ST6GALNAC3: variants seen among roughly 807,000 people sequenced by gnomAD.
The protein encoded by ST6GALNAC3 is ST6 N-acetylgalactosaminide alpha-2,6-sialyltransferase 3.
In ST6GALNAC3, 25 loss-of-function variants were observed where a neutral mutation model predicts 32.7. The ratio of observed to expected loss-of-function variants is 0.76; its 90% CI spans 0.56 to 1.07. The LOEUF is 1.07. Among genes scored for constraint, ST6GALNAC3 ranks in the 50% least tolerant of loss-of-function variants. The pLI, the probability that ST6GALNAC3 is intolerant of heterozygous loss-of-function variation, is 0.00. For missense variants in ST6GALNAC3, 355 were observed against 382.4 expected, an observed-to-expected ratio of 0.93 and a Z score of 0.60; for synonymous variants, 129 against 133.1, an observed-to-expected ratio of 0.97 and a Z score of 0.21.
chr1:76,093,554 T>C (rs1303981601), intron 1 of ST6GALNAC3, among the ~76,000 whole-genome samples: 4 of 152,070 alleles, frequency 2.6e-5, no homozygotes, highest in Non-Finnish European at 5.9e-5. Context: ...AGAACATGAC[T>C]CCCCCAAATC....
chr1:76,141,110 C>T (rs1312949030), intron 1 of ST6GALNAC3, among the ~76,000 whole-genome samples: 1 of 152,094 alleles, frequency 6.6e-6, no homozygotes, highest in Non-Finnish European at 1.5e-5. Flanking sequence ...CCTGGCAGCC[C>T]ATCTACTGAG....
At chr1:76,469,827 T>C (rs1658897916) in intron 3 of ST6GALNAC3, among the ~76,000 whole-genome samples, 1 of 152,130 alleles carries the variant, frequency 6.6e-6, no homozygotes, top group Admixed American at 6.6e-5. Flanking sequence ...TCTTTTGTAT[T>C]AATGGAGCCA....
intron 3 of ST6GALNAC3, among the ~76,000 whole-genome samples, chr1:76,583,070 A>T (rs1280348763): frequency 6.6e-6 from 1 of 152,174 alleles, no homozygotes; most frequent in East Asian, 1.9e-4. Context: ...AGATACTCAG[A>T]GTGCCAGCAT....
chr1:76,098,734 C>T (rs2100768858), intron 1 of ST6GALNAC3, among the ~76,000 whole-genome samples: 1 of 152,160 alleles, frequency 6.6e-6, no homozygotes, highest in South Asian at 2.1e-4. Flanking sequence ...CTTGTCTTTT[C>T]ATTCCTTTAC....
intron 1 of ST6GALNAC3, among the ~76,000 whole-genome samples, chr1:76,141,718 C>T (rs1650337157): frequency 6.6e-6 from 1 of 152,124 alleles, no homozygotes; most frequent in African/African-American, 2.4e-5. Context: ...CCCCTCCCAT[C>T]TGGAAATGAA....
At chr1:76,338,772 A>T (rs1329767736) in intron 2 of ST6GALNAC3, among the ~76,000 whole-genome samples, 11 of 146,256 alleles carry the variant, frequency 7.5e-5, no homozygotes. Context: ...GCCCTATTCT[A>T]GGGCATTCCT....
At chr1:76,364,143 T>C (rs1457340053) in intron 2 of ST6GALNAC3, among the ~76,000 whole-genome samples, 2 of 152,196 alleles carry the variant, frequency 1.3e-5, no homozygotes, top group African/African-American at 4.8e-5. Flanking sequence ...AAACAGATAT[T>C]AGATTTGTTT....
At chr1:76,392,219 A>G (rs1337670056) in intron 2 of ST6GALNAC3, among the ~76,000 whole-genome samples, 1 of 152,216 alleles carries the variant, frequency 6.6e-6, no homozygotes, top group Non-Finnish European at 1.5e-5. Flanking sequence ...TTTTAGATCC[A>G]GGTGCTTAGA....
At chr1:76,429,570 C>T (rs960262984) in intron 3 of ST6GALNAC3, among the ~76,000 whole-genome samples, 1 of 152,088 alleles carries the variant, frequency 6.6e-6, no homozygotes, top group Non-Finnish European at 1.5e-5. Flanking sequence ...TCATTACATA[C>T]ATCATATTGA....
At chr1:76,474,710 A>G (rs1659240327) in intron 3 of ST6GALNAC3, among the ~76,000 whole-genome samples, 1 of 152,098 alleles carries the variant, frequency 6.6e-6, no homozygotes, top group Non-Finnish European at 1.5e-5. Flanking sequence ...GGTGTTTTCT[A>G]ATTTCCTTCT....
intron 3 of ST6GALNAC3, among the ~76,000 whole-genome samples, chr1:76,531,854 C>T (rs2101822824): frequency 6.6e-6 from 1 of 152,248 alleles, no homozygotes; most frequent in Middle Eastern, 3.4e-3. Context: ...CAGGGCTGCC[C>T]AGCAACATTG....
chr1:76,164,662 C>T (rs1017396004), intron 1 of ST6GALNAC3, among the ~76,000 whole-genome samples: 2 of 152,064 alleles, frequency 1.3e-5, no homozygotes, highest in Non-Finnish European at 2.9e-5. Context: ...TCTTTAAATA[C>T]ACTATTCAAA....
At chr1:76,102,247 G>T (rs1166683363) in intron 1 of ST6GALNAC3, among the ~76,000 whole-genome samples, 1 of 151,532 alleles carries the variant, frequency 6.6e-6, no homozygotes, top group Non-Finnish European at 1.5e-5. Context: ...GTGTGTGTGT[G>T]TGTGTGTGTG....
At chr1:76,153,861 C>G (rs1241412623) in intron 1 of ST6GALNAC3, among the ~76,000 whole-genome samples, 1 of 152,102 alleles carries the variant, frequency 6.6e-6, no homozygotes, top group Non-Finnish European at 1.5e-5. Context: ...TTGGCTGGCC[C>G]CATTTTGCTG....
intron 1 of ST6GALNAC3, chr1:76,142,913 G>A: frequency 2.2e-6 from 1 of 453,134 alleles, no homozygotes; most frequent in Non-Finnish European, 4.4e-6. Context: ...ATTAGATCTG[G>A]GCACACCGTA....
chr1:76,277,916 T>G (rs1316981451), intron 1 of ST6GALNAC3, among the ~76,000 whole-genome samples: 1 of 152,086 alleles, frequency 6.6e-6, no homozygotes, highest in Non-Finnish European at 1.5e-5. Flanking sequence ...GAGCTTTAAG[T>G]CTGGTTACAC....
chr1:76,565,091 G>A (rs1665474419), intron 3 of ST6GALNAC3, among the ~76,000 whole-genome samples: 1 of 152,074 alleles, frequency 6.6e-6, no homozygotes, highest in South Asian at 2.1e-4. Context: ...TCTCAGTCCG[G>A]TGTCCAACGG....
At chr1:76,100,861 AT>A (rs1273392140) in intron 1 of ST6GALNAC3, among the ~76,000 whole-genome samples, 3 of 150,070 alleles carry the variant, frequency 2.0e-5, no homozygotes, top group African/African-American at 7.4e-5. Flanking sequence ...TTTAATGGAC[AT>A]TTTTTTAATG....
intron 3 of ST6GALNAC3, among the ~76,000 whole-genome samples, chr1:76,454,703 T>C (rs1184166894): frequency 6.6e-6 from 1 of 152,274 alleles, no homozygotes; most frequent in Non-Finnish European, 1.5e-5. Flanking sequence ...TTTTGCCTCA[T>C]GGCTTTTAAG....
Sources: gnomAD v4.1 joint callset for allele counts (sites outside exome capture counted in the v4.1 genomes callset) on GRCh38, gnomAD v4.1.1 for gene constraint, MANE v1.5 for transcripts, NCBI Gene and HGNC (gene_info 2026-07-23, HGNC 2026-07-21) for gene names.